The following LSS variants were observed in gnomAD, a reference collection of about 807,000 sequenced individuals.
LSS encodes the protein 2,3-epoxysqualene-lanosterol cyclase.
In LSS, 90 loss-of-function variants were observed where a neutral mutation model predicts 110.3. That is an observed-to-expected ratio of 0.82 (90% CI 0.69 to 0.97). The LOEUF is 0.97. LSS is among the 50% of genes least tolerant of loss of function. The pLI is 0.00. For missense variants in LSS, 927 were observed against 990.0 expected, an observed-to-expected ratio of 0.94 and a Z score of 0.85; for synonymous variants, 433 against 400.0, an observed-to-expected ratio of 1.08 and a Z score of -0.98.
intron 9 of LSS, among the ~76,000 whole-genome samples, chr21:46,214,640 G>A (rs1337186862): frequency 4.6e-5 from 7 of 152,278 alleles, no homozygotes; most frequent in Non-Finnish European, 1.0e-4. Context: ...AGGCGGCCAC[G>A]CACCAGCACA....
Position 46,189,599 on chromosome 21 carries a change from A to G in LSS, c.*1505T>C. On this transcript the variant is annotated 3_prime_UTR_variant, in exon 22 of 22. Transcript: ENST00000397728. ...CACCTGGGTGAGAGCCCTGGACTGC[A>G]CACCAAGGCAGAGGGGTGCCCCTGA... The G allele has an allele frequency of 2.2e-6, 1 of 452,298 alleles. No individual in the cohort carries two copies. The highest frequency in any genetic ancestry group is 1.6e-5 in the South Asian group (1 of 64,140). The allele number at this position is 452,298 out of a possible 1,614,324, so 28.0% of individuals were successfully genotyped here.
intron 17 of LSS, among the ~76,000 whole-genome samples, chr21:46,196,892 C>T (rs1240968358): frequency 2.6e-5 from 4 of 152,218 alleles, no homozygotes; most frequent in African/African-American, 9.6e-5. Flanking sequence ...AGAGAGGCCC[C>T]GCAGCAGACG....
chr21:46,223,446 C>A (rs550969412), intron 3 of LSS, among the ~76,000 whole-genome samples: 23 of 152,312 alleles, frequency 1.5e-4, no homozygotes, highest in African/African-American at 5.3e-4. Context: ...GGAATGAATA[C>A]CTGACTCTGG....
rs867564247 is a variant in LSS at position 46,207,568 on chromosome 21, A to G, written c.1327T>C (p.Ser443Pro). The part of the protein sequence containing the change: ...YYRQMRKGGF[S>P]FSTLDCGWIV... ...CAGCCGCAGTCCAGCGTACTGAAGG[A>G]GAAGCCACCCTGCAGAGCACAAGCC... Residue 443 changes from serine to proline, a missense_variant, in exon 15 of 22, where the codon TCC (serine) becomes CCC (proline). By Grantham distance (74) the Ser-to-Pro change is moderately conservative. Coordinates refer to ENST00000397728, the MANE Select transcript of LSS (RefSeq NM_002340.6). 8.1e-6 allele frequency: 13 copies of G among 1,607,244 alleles called. 1 individual carries two copies. The Middle Eastern group carries it at 2.1e-3, about 266-fold the overall frequency.
At chr21:46,202,644 G>A (rs2079994273) in intron 17 of LSS, among the ~76,000 whole-genome samples, 1 of 152,156 alleles carries the variant, frequency 6.6e-6, no homozygotes, top group African/African-American at 2.4e-5. Context: ...AGCATTTGGG[G>A]AGGCCGAGGT....
intron 17 of LSS, 145 bp from the exon 18 acceptor site, chr21:46,196,412 G>C (rs930069176): frequency 3.0e-6 from 2 of 676,004 alleles, no homozygotes; most frequent in African/African-American, 3.6e-5. Flanking sequence ...AGACCGATGA[G>C]GGTTTTAAAA....
chr21:46,206,702 G>A lies in LSS; in HGVS notation c.1534C>T (p.Leu512=), dbSNP rs113709086. Residue 512 remains leucine (L), a synonymous_variant, in exon 16 of 22, where the codon CTG becomes TTG. Coordinates refer to ENST00000397728, the MANE Select transcript of LSS (RefSeq NM_002340.6). Reference sequence around the variant, plus strand: ...ACCTCCGAGGGGTTCAGCAGCTCCAGCAAGTGCCCCCCACGCTTGGTCTCA... The same window carrying A: ...ACCTCCGAGGGGTTCAGCAGCTCCAACAAGTGCCCCCCACGCTTGGTCTCA... ...TYETKRGGHL[L]ELLNPSEVFG... is the part of the protein sequence containing the mutation. 1.9e-6 allele frequency: 3 copies of A among 1,613,028 alleles called. No individual in the cohort carries two copies. Among genetic ancestry groups the A allele is most frequent in the Admixed American group, 1.7e-5 (1 of 60,022 alleles).
Position 46,191,023 on chromosome 21 carries a change from T to C in LSS, c.*81A>G. ...GAGGGGTTGGAGCCCAAGACAGGGTTATGGGAGGGCTCCCCAACCCGGCCA... is the reference window on the plus strand; with the variant it reads ...GAGGGGTTGGAGCCCAAGACAGGGTCATGGGAGGGCTCCCCAACCCGGCCA... On this transcript the variant is annotated 3_prime_UTR_variant, in exon 22 of 22. Transcript: ENST00000397728. 1 of 1,544,836 alleles carries C rather than the reference T, an allele frequency of 6.5e-7. No homozygotes were observed. Among genetic ancestry groups the C allele is most frequent in the South Asian group, 1.2e-5 (1 of 86,708 alleles).
chr21:46,189,265 C>G lies in LSS; in HGVS notation c.*1839G>C. On this transcript the variant is annotated 3_prime_UTR_variant, in exon 22 of 22. Transcript: ENST00000397728. ...ACAGTCTGACCATGGCTAGGAGTCC[C>G]AGGGACAGCAGCCTCTGCTCAGGGC... The G allele has an allele frequency of 4.4e-6, 1 of 227,486 alleles. No homozygotes were observed. Among genetic ancestry groups the G allele is most frequent in the Admixed American group, 5.2e-5 (1 of 19,144 alleles). The allele number at this position is 227,486 out of a possible 1,614,324, so 14.1% of individuals were successfully genotyped here.
At chr21:46,197,629 C>A (rs2079926050) in intron 17 of LSS, among the ~76,000 whole-genome samples, 1 of 152,164 alleles carries the variant, frequency 6.6e-6, no homozygotes, top group Non-Finnish European at 1.5e-5. Context: ...TGGCTCACGC[C>A]TTGTAATCCC....
rs186526693 is a variant in LSS at position 46,222,139 on chromosome 21, C to T, written c.429-164G>A. The T allele has an allele frequency of 1.9e-4, 131 of 674,270 alleles. 1 individual carries two copies. In the East Asian group the frequency reaches 2.9e-3, roughly 15 times the overall value. 41.8% of individuals were successfully genotyped at this position (674,270 alleles called of 1,614,324 possible). On this transcript the variant is annotated intron_variant, in intron 4 of 21. Coordinates refer to ENST00000397728, the MANE Select transcript of LSS (RefSeq NM_002340.6). The stretch of plus-strand genomic sequence containing the variant: ...ACCCCTGAGCAGCCACTCTGCAGTA[C>T]GAATTCATGCACCTCCCATGACAAC...
At chr21:46,192,155 G>A (rs1220835616) in intron 20 of LSS, 196 bp from the exon 21 acceptor site, 3 of 619,990 alleles carry the variant, frequency 4.8e-6, no homozygotes, top group African/African-American at 1.8e-5. Flanking sequence ...TAGGCTCCCT[G>A]AGAAGCGGAG....
intron 17 of LSS, among the ~76,000 whole-genome samples, chr21:46,197,731 T>C (rs748069725): frequency 3.3e-5 from 5 of 151,746 alleles, no homozygotes; most frequent in Non-Finnish European, 5.9e-5. Flanking sequence ...CTACTAAAAA[T>C]ACAAAAAATT....
intron 13 of LSS, 98 bp from the exon 14 acceptor site, chr21:46,208,399 A>G (rs1490667793): frequency 2.7e-6 from 3 of 1,100,234 alleles, no homozygotes; most frequent in Non-Finnish European, 4.1e-6. Context: ...AGGACTGGAG[A>G]GGCAGAACGT....
intron 15 of LSS, 117 bp downstream of exon 15, chr21:46,207,311 G>T: frequency 1.6e-6 from 2 of 1,280,364 alleles, no homozygotes; most frequent in Non-Finnish European, 2.1e-6. Context: ...CCAAGGACAA[G>T]CTCCTACGGC....
rs530242282 is a variant in LSS, at chr21:46,218,022, C to T, written c.647+1454G>A. Among the ~76,000 whole-genome samples, 4 of 152,258 alleles carry T rather than the reference C, an allele frequency of 2.6e-5. No homozygotes were observed. In the South Asian group the frequency reaches 8.3e-4, roughly 32 times the overall value. On this transcript the variant is annotated intron_variant, in intron 6 of 21. Transcript: ENST00000397728. Reference sequence around the variant, plus strand: ...AAACTGGCTTCCGGGGTTAAGCCCCCGGCCTTTGCATCAGGACACTGCTGC... The same window carrying T: ...AAACTGGCTTCCGGGGTTAAGCCCCTGGCCTTTGCATCAGGACACTGCTGC...
At position 46,209,386 on chromosome 21, in the gene LSS, C is replaced by T. The variant is rs746900757; in HGVS notation, c.1266+168G>A. On this transcript the variant is annotated intron_variant, in intron 13 of 21. Transcript: ENST00000397728. The surrounding 1 kb of genome is among the most constrained non-coding windows in gnomAD (Gnocchi z 4.4). ...CAGGTGAGGCCAGCCCGAGGAGGAC[C>T]GGTGGATGGAGCAGGGGCTAGGGAG... Among the ~76,000 whole-genome samples the T allele has an allele frequency of 5.7e-5, 8 of 140,548 alleles. No homozygotes were observed. The highest frequency in any genetic ancestry group is 2.6e-4 in the East Asian group (1 of 3,900). The allele number at this position is 140,548 out of a possible 152,430, so 92.2% of individuals were successfully genotyped here.
intron 6 of LSS, among the ~76,000 whole-genome samples, chr21:46,218,480 T>C (rs149427371): frequency 0.052 from 7,821 of 151,838 alleles, 615 homozygotes; most frequent in African/African-American, 0.18. Flanking sequence ...AACAATTAGC[T>C]GGGCGTGATG....
At chr21:46,211,405 A>G (rs988247745) in intron 11 of LSS, among the ~76,000 whole-genome samples, 4 of 152,216 alleles carry the variant, frequency 2.6e-5, no homozygotes, top group African/African-American at 9.6e-5. Context: ...TAGGGATTAC[A>G]GGCGTGAGCC....
Sources: allele counts gnomAD v4.1 joint callset (sites outside exome capture counted in the v4.1 genomes callset), GRCh38; gene constraint gnomAD v4.1.1; non-coding constraint Gnocchi (gnomAD v3.1); transcripts MANE v1.5; gene names NCBI Gene and HGNC (gene_info 2026-07-23, HGNC 2026-07-21).